LRRC4C: variants seen among roughly 807,000 people sequenced by gnomAD.
LRRC4C encodes the protein leucine-rich repeat-containing protein 4C.
A neutral mutation model predicts 33.6 loss-of-function variants in LRRC4C; 5 were observed. The observed-to-expected ratio is 0.15, with a 90% CI of 0.08 to 0.31. LRRC4C has a LOEUF of 0.31. LRRC4C is among the 10% of genes least tolerant of loss of function. The pLI is 1.00. For synonymous variants in LRRC4C, 329 were observed against 302.0 expected (o/e 1.09, Z -0.93); for missense variants, 560 against 796.7 (o/e 0.70, Z 3.58).
chr11:41,391,094 G>A (rs897598074), intron 1 of LRRC4C, among the ~76,000 whole-genome samples: 78 of 151,914 alleles, frequency 5.1e-4, no homozygotes, highest in African/African-American at 1.8e-3. Context: ...GGTGTTCAAG[G>A]GACTTGGAAA....
intron 2 of LRRC4C, among the ~76,000 whole-genome samples, chr11:40,900,182 C>T (rs1956144015): frequency 6.6e-6 from 1 of 152,088 alleles, no homozygotes; most frequent in South Asian, 2.1e-4. Context: ...CATGGATTCT[C>T]TACAAAATTA....
At position 41,372,160 on chromosome 11, in the gene LRRC4C, T is replaced by A. The variant is rs1273912906; in HGVS notation, c.-496+87271A>T. On this transcript the variant is annotated intron_variant, in intron 1 of 6. Transcript: ENST00000528697. The stretch of plus-strand genomic sequence containing the variant: ...ACTCCGTCTCAATAAAAAAATAAAA[T>A]AAAATAAAGAAATTGACCAGAGTCT... Among the ~76,000 whole-genome samples the A allele has an allele frequency of 3.3e-5, 5 of 151,952 alleles. No individual in the cohort carries two copies. The East Asian group carries it at 9.7e-4, about 29-fold the overall frequency.
intron 5 of LRRC4C, among the ~76,000 whole-genome samples, 152 bp from the exon 6 acceptor site, chr11:40,141,005 G>T (rs1328979136): frequency 1.3e-5 from 2 of 152,018 alleles, no homozygotes; most frequent in Non-Finnish European, 2.9e-5. Flanking sequence ...ACTATCCTGG[G>T]CAGAAAGCCA....
intron 2 of LRRC4C, among the ~76,000 whole-genome samples, chr11:40,757,328 T>C (rs1489799906): frequency 1.3e-5 from 2 of 152,068 alleles, no homozygotes; most frequent in Non-Finnish European, 2.9e-5. Flanking sequence ...GCCTATGTTA[T>C]ATTATCCTTA....
chr11:41,359,909 A>G (rs1952290668), intron 1 of LRRC4C, among the ~76,000 whole-genome samples: 1 of 152,196 alleles, frequency 6.6e-6, no homozygotes, highest in Non-Finnish European at 1.5e-5. Flanking sequence ...TTGGCCAGGC[A>G]CGGTGACTCA....
chr11:40,492,664 G>C (rs928053515), intron 3 of LRRC4C, among the ~76,000 whole-genome samples: 2 of 152,082 alleles, frequency 1.3e-5, no homozygotes, highest in Non-Finnish European at 2.9e-5. Context: ...AGGTAATAGA[G>C]TCTTCTCATT....
chr11:41,120,544 T>C (rs1942370403), intron 1 of LRRC4C, among the ~76,000 whole-genome samples: 1 of 152,194 alleles, frequency 6.6e-6, no homozygotes, highest in African/African-American at 2.4e-5. Flanking sequence ...TTATTTCTTG[T>C]GCTCCTCACT....
chr11:40,924,212 C>T (rs994016281), intron 2 of LRRC4C, among the ~76,000 whole-genome samples: 1 of 151,588 alleles, frequency 6.6e-6, no homozygotes, highest in Admixed American at 6.6e-5. Context: ...AAGTATGGCC[C>T]TCACACCCAT....
intron 3 of LRRC4C, among the ~76,000 whole-genome samples, chr11:40,575,472 G>A (rs892097393): frequency 1.5e-4 from 23 of 152,014 alleles, no homozygotes; most frequent in African/African-American, 5.3e-4. Context: ...AAATCTCACG[G>A]AAACTGGGAT....
chr11:41,345,835 G>T (rs929284199), intron 1 of LRRC4C, among the ~76,000 whole-genome samples: 1 of 152,162 alleles, frequency 6.6e-6, no homozygotes, highest in Non-Finnish European at 1.5e-5. Context: ...GCTTCCTGAT[G>T]AATTCTATAA....
At chr11:40,644,513 G>A (rs779775544) in intron 3 of LRRC4C, among the ~76,000 whole-genome samples, 2 of 152,084 alleles carry the variant, frequency 1.3e-5, no homozygotes, top group Non-Finnish European at 2.9e-5. Context: ...CAAACTAGAA[G>A]CAACCAAGAC....
chr11:40,733,820 C>T (rs1591581196), intron 2 of LRRC4C, among the ~76,000 whole-genome samples: 3 of 152,062 alleles, frequency 2.0e-5, no homozygotes, highest in Admixed American at 2.0e-4. Flanking sequence ...CCCTAAGACC[C>T]GAAAATACAT....
At chr11:41,422,487 T>A (rs1954904917) in intron 1 of LRRC4C, among the ~76,000 whole-genome samples, 1 of 152,062 alleles carries the variant, frequency 6.6e-6, no homozygotes, top group Admixed American at 6.6e-5. Flanking sequence ...GCCACTATTT[T>A]GCAGTCATGA....
chr11:41,341,011 G>GACATCCCACTCTGGA (rs1555151282), intron 1 of LRRC4C, among the ~76,000 whole-genome samples: 1 of 152,128 alleles, frequency 6.6e-6, no homozygotes. Flanking sequence ...CTTGGGAGGA[G>GACATCCCACTCTGGA]TGCTTGCACG....
At chr11:40,132,533 C>CATT (rs965334415) in intron 6 of LRRC4C, among the ~76,000 whole-genome samples, 12 of 152,112 alleles carry the variant, frequency 7.9e-5, no homozygotes, top group Non-Finnish European at 1.6e-4. Context: ...AATTTTCTTT[C>CATT]ATTTTGCTAT....
At chr11:41,095,234 T>A (rs941550975) in intron 1 of LRRC4C, among the ~76,000 whole-genome samples, 3 of 152,106 alleles carry the variant, frequency 2.0e-5, no homozygotes, top group Non-Finnish European at 4.4e-5. Context: ...GCCTCACTTT[T>A]AAACCATCAG....
At chr11:40,887,300 G>A (rs1366765840) in intron 2 of LRRC4C, among the ~76,000 whole-genome samples, 1 of 151,858 alleles carries the variant, frequency 6.6e-6, no homozygotes, top group Non-Finnish European at 1.5e-5. Flanking sequence ...GAACCATTAG[G>A]AAATATGGAA....
rs1487589437 is a variant in LRRC4C at position 40,713,670 on chromosome 11, A to T, written c.-406-65392T>A. Among the ~76,000 whole-genome samples, 3 of 152,252 alleles carry T rather than the reference A, an allele frequency of 2.0e-5. No homozygotes were observed. In the East Asian group the frequency reaches 5.8e-4, roughly 29 times the overall value. Reference sequence around the variant, plus strand: ...GTATTTTAAAATGACAATCTGAGTAAGACATTTAGAAATAAAAAGTAGTTT... The same window carrying T: ...GTATTTTAAAATGACAATCTGAGTATGACATTTAGAAATAAAAAGTAGTTT... On this transcript the variant is annotated intron_variant, in intron 2 of 6. Coordinates refer to ENST00000528697, the MANE Select transcript of LRRC4C (RefSeq NM_001258419.2).
intron 1 of LRRC4C, among the ~76,000 whole-genome samples, chr11:41,078,074 T>G (rs1939289725): frequency 6.6e-6 from 1 of 152,166 alleles, no homozygotes; most frequent in African/African-American, 2.4e-5. Context: ...CAGTTCCCAA[T>G]AATTTCCTCA....
Sources: allele counts gnomAD v4.1 joint callset (sites outside exome capture counted in the v4.1 genomes callset), GRCh38; gene constraint gnomAD v4.1.1; transcripts MANE v1.5; gene names NCBI Gene and HGNC (gene_info 2026-07-23, HGNC 2026-07-21).